FLT1: variants seen among roughly 807,000 people sequenced by gnomAD.
FLT1 encodes vascular endothelial growth factor receptor 1.
FLT1 carries 49 observed loss-of-function variants against 156.3 expected under a neutral mutation model. That is an observed-to-expected ratio of 0.31 (90% CI 0.25 to 0.40). The LOEUF is 0.40. Ranked by LOEUF, FLT1 falls within the 10% of genes least tolerant of loss-of-function variation. The pLI is 1.00. For synonymous variants in FLT1, 594 were observed against 583.8 expected (o/e 1.02, Z -0.25); for missense variants, 1,322 against 1,637.2 (o/e 0.81, Z 3.32).
Position 28,302,721 on chromosome 13 carries a change from G to T in FLT1, c.*446C>A. On this transcript the variant is annotated 3_prime_UTR_variant, in exon 30 of 30. Transcript: ENST00000282397. ...CTCCTCACATGTCTTAGGCCTGCTA[G>T]AGGACTCCCGAGATGTTGCTCAGGC... 4.1e-6 allele frequency: 1 copy of T among 242,156 alleles called. No individual in the cohort carries two copies. The highest frequency in any genetic ancestry group is 8.1e-6 in the Non-Finnish European group (1 of 123,738). The allele number at this position is 242,156 out of a possible 1,614,324, so 15.0% of individuals were successfully genotyped here.
At chr13:28,353,725 T>G (rs541253802) in intron 15 of FLT1, among the ~76,000 whole-genome samples, 14 of 152,214 alleles carry the variant, frequency 9.2e-5, no homozygotes, top group Non-Finnish European at 1.3e-4. Context: ...ATGATTTTAG[T>G]TACTAACACT....
At chr13:28,308,456 A>G in intron 28 of FLT1, 1 of 322,154 alleles carries the variant, frequency 3.1e-6, no homozygotes, top group South Asian at 2.9e-5. Context: ...GACCCCTCCC[A>G]GCCTCAAGGC....
At chr13:28,487,073 A>AT (rs1197822241) in intron 1 of FLT1, among the ~76,000 whole-genome samples, 1 of 152,206 alleles carries the variant, frequency 6.6e-6, no homozygotes, top group African/African-American at 2.4e-5. Context: ...GTGTGATGAA[A>AT]TTTGAGGTTC....
rs760864849 is a variant in FLT1 at position 28,402,583 on chromosome 13, T to TAG, written c.1551+3195_1551+3196dup. Among the ~76,000 whole-genome samples the TAG allele has an allele frequency of 2.6e-4, 39 of 151,950 alleles. No homozygotes were observed. In the East Asian group the frequency reaches 6.8e-3, roughly 26 times the overall value. On this transcript the variant is annotated intron_variant, in intron 11 of 29. Coordinates refer to ENST00000282397, the MANE Select transcript of FLT1 (RefSeq NM_002019.4). ...TAGATATAAAATATATCTATATATA[T>TAG]AGAGAGAGAGACTTTGTTTAGTGTG...
intron 29 of FLT1, 84 bp downstream of exon 29, chr13:28,306,594 C>T: frequency 1.0e-6 from 1 of 969,504 alleles, no homozygotes; most frequent in Non-Finnish European, 1.7e-6. Flanking sequence ...AGTCCTCAAA[C>T]ATCCCTCATT....
chr13:28,465,771 G>C (rs1299057190), intron 3 of FLT1, among the ~76,000 whole-genome samples: 1 of 152,160 alleles, frequency 6.6e-6, no homozygotes, highest in African/African-American at 2.4e-5. Flanking sequence ...TTGCCCCTGG[G>C]AGGCAGAAGT....
intron 1 of FLT1, among the ~76,000 whole-genome samples, chr13:28,488,967 C>A (rs531884033): frequency 6.6e-6 from 1 of 152,142 alleles, no homozygotes; most frequent in Non-Finnish European, 1.5e-5. Context: ...TTGTATAACA[C>A]GCTGCAGGAA....
chr13:28,419,878 C>G (rs1876900409), intron 10 of FLT1, among the ~76,000 whole-genome samples: 1 of 152,068 alleles, frequency 6.6e-6, no homozygotes, highest in South Asian at 2.1e-4. Context: ...GACTCCGTCT[C>G]AAAACAAAAA....
rs150865847 is a variant in FLT1, at chr13:28,359,991, A to G, written c.2117-2306T>C. Reference sequence around the variant, plus strand: ...CGGGGTGTGGTGGCGAATGCCTGTAATCCTAACTACTTGGGAGGCTGCAGC... The same window carrying G: ...CGGGGTGTGGTGGCGAATGCCTGTAGTCCTAACTACTTGGGAGGCTGCAGC... On this transcript the variant is annotated intron_variant, in intron 14 of 29. Coordinates refer to ENST00000282397, the MANE Select transcript of FLT1 (RefSeq NM_002019.4). Among the ~76,000 whole-genome samples the G allele has an allele frequency of 3.4e-3, 519 of 152,104 alleles. 2 individuals carry two copies. Among genetic ancestry groups the G allele is most frequent in the Non-Finnish European group, 5.4e-3 (370 of 68,008 alleles).
chr13:28,334,643 C>T (rs567896529), intron 17 of FLT1, among the ~76,000 whole-genome samples: 1 of 152,150 alleles, frequency 6.6e-6, no homozygotes, highest in African/African-American at 2.4e-5. Context: ...GACTTCCCTA[C>T]CAGGCAAAAT....
chr13:28,311,976 A>C lies in FLT1; in HGVS notation c.3492+17T>G, dbSNP rs7328692. On this transcript the variant is annotated intron_variant, in intron 26 of 29. Transcript: ENST00000282397. ...GTACATTCAAAGGCATTTTGATGTAAATAAATTTAGTTTTACCTGTTGTAC... is the reference window on the plus strand; with the variant it reads ...GTACATTCAAAGGCATTTTGATGTACATAAATTTAGTTTTACCTGTTGTAC... 277 of 1,541,978 alleles carry C rather than the reference A, an allele frequency of 1.8e-4. No homozygotes were observed. In the African/African-American group the frequency reaches 3.5e-3, roughly 20 times the overall value.
Position 28,357,889 on chromosome 13 carries a change from T to TTTTC in FLT1, c.2117-205_2117-204insGAAA, listed in dbSNP as rs1491354372. Among the ~76,000 whole-genome samples the TTTTC allele has an allele frequency of 9.0e-4, 131 of 145,246 alleles. 2 individuals are homozygous for TTTTC. The highest frequency in any genetic ancestry group is 3.6e-3 in the Middle Eastern group (1 of 278). ...TTTCCTTTTTTTTTTTTTTTTTTTTTCTGCAGGCTTTCTAATAGCACCTTC... is the reference window on the plus strand; with the variant it reads ...TTTCCTTTTTTTTTTTTTTTTTTTTTTTTCCTGCAGGCTTTCTAATAGCACCTTC... On this transcript the variant is annotated intron_variant, in intron 14 of 29. Coordinates refer to ENST00000282397, the MANE Select transcript of FLT1 (RefSeq NM_002019.4).
intron 1 of FLT1, among the ~76,000 whole-genome samples, chr13:28,474,485 GACACAC>G (rs57021123): frequency 0.01 from 1,128 of 112,472 alleles, 11 homozygotes; most frequent in African/African-American, 0.039. Context: ...AACAACCACA[GACACAC>G]ACACACACAC....
chr13:28,334,560 T>C (rs115643914), intron 17 of FLT1, among the ~76,000 whole-genome samples: 1,859 of 152,272 alleles, frequency 0.012, 43 homozygotes, highest in African/African-American at 0.043. Flanking sequence ...AAGGGAGAAA[T>C]AGAAAATGGT....
At chr13:28,395,170 T>C (rs912210441) in intron 12 of FLT1, among the ~76,000 whole-genome samples, 2 of 152,226 alleles carry the variant, frequency 1.3e-5, no homozygotes, top group African/African-American at 2.4e-5. Flanking sequence ...TATTTGTCCA[T>C]AGGGGGCTAA....
chr13:28,397,117 T>A, intron 11 of FLT1, 49 bp from the exon 12 acceptor site: 1 of 1,046,172 alleles, frequency 9.6e-7, no homozygotes, highest in Non-Finnish European at 1.5e-6. Context: ...AATAACTAAT[T>A]GAACACCCCA....
intron 14 of FLT1, among the ~76,000 whole-genome samples, chr13:28,376,494 C>G (rs944354553): frequency 6.6e-6 from 1 of 152,174 alleles, no homozygotes; most frequent in African/African-American, 2.4e-5. Context: ...ATCAAGATTG[C>G]CTTCTGTTTT....
intron 29 of FLT1, 132 bp from the exon 30 acceptor site, chr13:28,303,500 C>CA (rs920803994): frequency 1.4e-4 from 109 of 785,654 alleles, no homozygotes; most frequent in Middle Eastern, 3.5e-4. Context: ...GAACCCCCCC[C>CA]CCCTCAATTG....
chr13:28,307,478 C>T (rs1054009567), intron 28 of FLT1, among the ~76,000 whole-genome samples: 1 of 152,038 alleles, frequency 6.6e-6, no homozygotes, highest in Non-Finnish European at 1.5e-5. Context: ...GTTGAGAATT[C>T]TTTCACGTTT....
Sources: allele counts gnomAD v4.1 joint callset (sites outside exome capture counted in the v4.1 genomes callset), GRCh38; gene constraint gnomAD v4.1.1; transcripts MANE v1.5; gene names NCBI Gene and HGNC (gene_info 2026-07-23, HGNC 2026-07-21).